GRID2: variants seen among roughly 807,000 people sequenced by gnomAD.
The protein encoded by GRID2 is glutamate ionotropic receptor delta type subunit 2.
In GRID2, 33 loss-of-function variants were observed where a neutral mutation model predicts 114.8. That is an observed-to-expected ratio of 0.29 (90% confidence interval 0.22 to 0.38). GRID2 has a LOEUF of 0.38. GRID2 is among the 10% of genes least tolerant of loss of function. The pLI, the probability that GRID2 is intolerant of heterozygous loss-of-function variation, is 1.00. For synonymous variants in GRID2, 505 were observed against 449.9 expected (o/e 1.12, Z -1.55); for missense variants, 1,184 against 1,257.7 (o/e 0.94, Z 0.89).
intron 2 of GRID2, among the ~76,000 whole-genome samples, chr4:92,632,839 A>G (rs565610054): frequency 1.3e-5 from 2 of 152,144 alleles, no homozygotes; most frequent in South Asian, 2.1e-4. Flanking sequence ...TTAATTAACA[A>G]TTTTTACAGT....
At chr4:93,694,776 G>C (rs192138750) in intron 14 of GRID2, among the ~76,000 whole-genome samples, 1 of 152,100 alleles carries the variant, frequency 6.6e-6, no homozygotes, top group African/African-American at 2.4e-5. Context: ...CTTTTCATTT[G>C]ACCTCAGGCA....
rs1358226739 is a variant in GRID2 at position 92,983,668 on chromosome 4, C to T, written c.245-101327C>T. On this transcript the variant is annotated intron_variant, in intron 2 of 15. Coordinates refer to ENST00000282020, the MANE Select transcript of GRID2 (RefSeq NM_001510.4). ...ATTTCTTATATATTTCAGTTAGAAC[C>T]CTTTAAGATGGAAAACACCTATAGT... Among the ~76,000 whole-genome samples the T allele has an allele frequency of 2.0e-5, 3 of 151,826 alleles. No homozygotes were observed. The East Asian group carries it at 5.8e-4, about 30-fold the overall frequency.
intron 2 of GRID2, among the ~76,000 whole-genome samples, chr4:92,693,188 A>G (rs903290723): frequency 6.6e-6 from 1 of 152,050 alleles, no homozygotes; most frequent in Admixed American, 6.6e-5. Context: ...AATGGAAACA[A>G]CGTTCTAGTA....
intron 2 of GRID2, among the ~76,000 whole-genome samples, chr4:92,729,746 G>C (rs1736242112): frequency 6.6e-6 from 1 of 151,926 alleles, no homozygotes. Context: ...CCAAAACAGT[G>C]ATTCACCTTC....
At chr4:92,714,515 T>G (rs538337398) in intron 2 of GRID2, among the ~76,000 whole-genome samples, 2 of 152,298 alleles carry the variant, frequency 1.3e-5, no homozygotes, top group East Asian at 3.9e-4. Context: ...AACCCCACAT[T>G]TCCCTTCCCC....
intron 14 of GRID2, among the ~76,000 whole-genome samples, chr4:93,767,700 T>C (rs1733783184): frequency 6.6e-6 from 1 of 152,120 alleles, no homozygotes; most frequent in African/African-American, 2.4e-5. Flanking sequence ...CACAAAATCT[T>C]CTTCCCTTTA....
intron 8 of GRID2, among the ~76,000 whole-genome samples, chr4:93,333,037 AATAATG>A (rs1758665271): frequency 6.6e-6 from 1 of 152,152 alleles, no homozygotes; most frequent in South Asian, 2.1e-4. Flanking sequence ...TGATGATAAT[AATAATG>A]ATAATGATCT....
intron 13 of GRID2, among the ~76,000 whole-genome samples, chr4:93,621,963 G>C (rs1213520570): frequency 1.3e-5 from 2 of 152,148 alleles, no homozygotes; most frequent in Non-Finnish European, 2.9e-5. Flanking sequence ...AACAATGCTA[G>C]AAAACTTTTC....
At chr4:92,999,206 A>G (rs1755391768) in intron 2 of GRID2, among the ~76,000 whole-genome samples, 1 of 151,896 alleles carries the variant, frequency 6.6e-6, no homozygotes, top group South Asian at 2.1e-4. Context: ...TGCATGCGTT[A>G]TTCTTGTGTA....
At chr4:92,733,544 C>T (rs917739576) in intron 2 of GRID2, among the ~76,000 whole-genome samples, 19 of 152,080 alleles carry the variant, frequency 1.2e-4, no homozygotes, top group African/African-American at 4.1e-4. Flanking sequence ...TAGGAAGCCT[C>T]TGTTTTCCTC....
At chr4:93,681,434 A>C (rs1025486104) in intron 14 of GRID2, among the ~76,000 whole-genome samples, 9 of 151,526 alleles carry the variant, frequency 5.9e-5, no homozygotes, top group African/African-American at 2.2e-4. Context: ...AACTACTTTA[A>C]AGTTCATGTG....
chr4:92,883,620 C>G (rs368916139), intron 2 of GRID2, among the ~76,000 whole-genome samples: 1 of 152,026 alleles, frequency 6.6e-6, no homozygotes, highest in Non-Finnish European at 1.5e-5. Context: ...ATTCATAGCT[C>G]GTAGAATGGA....
chr4:92,985,624 G>C (rs895482581), intron 2 of GRID2, among the ~76,000 whole-genome samples: 1 of 152,056 alleles, frequency 6.6e-6, no homozygotes, highest in Non-Finnish European at 1.5e-5. Context: ...ACAAAAAAAT[G>C]ATTTACTGCA....
rs150209914 is a variant in GRID2, at chr4:92,537,107, C to T, written c.89-53024C>T. Among the ~76,000 whole-genome samples, 355 of 152,272 alleles carry T rather than the reference C, an allele frequency of 2.3e-3. 2 individuals carry two copies. Among genetic ancestry groups the T allele is most frequent in the East Asian group, 0.022 (113 of 5,186 alleles). ...CCTCCTCTTTATACCCTTCAATACA[C>T]AATTTCACTAAATAATGATAATGTT... is the stretch of plus-strand genomic sequence containing the variant. On this transcript the variant is annotated intron_variant, in intron 1 of 15. Transcript: ENST00000282020.
At chr4:92,357,411 T>C (rs1346856757) in intron 1 of GRID2, among the ~76,000 whole-genome samples, 1 of 151,884 alleles carries the variant, frequency 6.6e-6, no homozygotes, top group African/African-American at 2.4e-5. Flanking sequence ...TATTTAAAAT[T>C]TGAAAATAAT....
At chr4:92,655,892 C>T (rs371442420) in intron 2 of GRID2, among the ~76,000 whole-genome samples, 1 of 151,652 alleles carries the variant, frequency 6.6e-6, no homozygotes, top group Admixed American at 6.6e-5. Flanking sequence ...GCTAAGATTT[C>T]CAGTACCAAG....
intron 14 of GRID2, among the ~76,000 whole-genome samples, chr4:93,633,049 A>ATCTC (rs72041077): frequency 1.3e-5 from 2 of 151,040 alleles, no homozygotes; most frequent in African/African-American, 2.4e-5. Flanking sequence ...ATCTCTTTCT[A>ATCTC]TCTCTCTCTC....
chr4:92,931,643 C>G (rs984308487), intron 2 of GRID2, among the ~76,000 whole-genome samples: 1 of 149,988 alleles, frequency 6.7e-6, no homozygotes, highest in Non-Finnish European at 1.5e-5. Context: ...CACACACACA[C>G]AGCATTCGGA....
intron 2 of GRID2, among the ~76,000 whole-genome samples, chr4:92,844,779 CCAAA>C (rs1419819643): frequency 4.6e-5 from 7 of 151,770 alleles, no homozygotes; most frequent in South Asian, 2.1e-4. Flanking sequence ...GCTCACATTC[CCAAA>C]CAATCACACA....
Sources: allele counts gnomAD v4.1 joint callset (sites outside exome capture counted in the v4.1 genomes callset), GRCh38; gene constraint gnomAD v4.1.1; transcripts MANE v1.5; gene names NCBI Gene and HGNC (gene_info 2026-07-23, HGNC 2026-07-21).